The following AK5 variants were observed in gnomAD, a reference collection of about 807,000 sequenced individuals.
AK5 encodes adenylate kinase 5.
Under a neutral mutation model 69.5 loss-of-function variants are expected in AK5, and 27 were observed. That is an observed-to-expected ratio of 0.39 (90% CI 0.29 to 0.54). AK5 has a LOEUF of 0.54. Ranked by LOEUF, AK5 falls within the 20% of genes least tolerant of loss-of-function variation. The pLI is 0.71. For missense variants in AK5, 531 were observed against 700.4 expected, an observed-to-expected ratio of 0.76 and a Z score of 2.73; for synonymous variants, 260 against 244.4, an observed-to-expected ratio of 1.06 and a Z score of -0.60.
chr1:77,480,411 T>C, intron 8 of AK5, among the ~76,000 whole-genome samples: 1 of 152,144 alleles, frequency 6.6e-6, no homozygotes. Context: ...CTGTGAATAA[T>C]AGCTGTGGAT....
intron 5 of AK5, among the ~76,000 whole-genome samples, chr1:77,310,568 A>G (rs1659892159): frequency 6.6e-6 from 1 of 151,990 alleles, no homozygotes; most frequent in Non-Finnish European, 1.5e-5. Flanking sequence ...TTTTTAGTAG[A>G]GACGGGGTTT....
At chr1:77,303,578 C>T (rs1452060734) in intron 5 of AK5, among the ~76,000 whole-genome samples, 1 of 152,242 alleles carries the variant, frequency 6.6e-6, no homozygotes, top group African/African-American at 2.4e-5. Context: ...ATCACACTTC[C>T]TGTCGCCACT....
Position 77,287,133 on chromosome 1 carries a change from G to C in AK5, c.247+6G>C. The C allele has an allele frequency of 6.5e-7, 1 of 1,527,682 alleles. No individual in the cohort carries two copies. Among genetic ancestry groups the C allele is most frequent in the Non-Finnish European group, 8.8e-7 (1 of 1,133,910 alleles). The allele number at this position is 1,527,682 out of a possible 1,614,324, so 94.6% of individuals were successfully genotyped here. ...GAGATCCTTTCTAAGAAATGGTAAT[G>C]TATATGGAGAATAATAGACAGTTTT... On this transcript the variant is annotated splice_donor_region_variant and intron_variant, in intron 2 of 13. Transcript: ENST00000354567.
intron 9 of AK5, 42 bp from the exon 10 acceptor site, chr1:77,486,264 TAC>T: frequency 7.5e-7 from 1 of 1,333,924 alleles, no homozygotes; most frequent in Non-Finnish European, 1.1e-6. Flanking sequence ...AGGGCTTCAG[TAC>T]AGTTTTTCTT....
intron 5 of AK5, among the ~76,000 whole-genome samples, chr1:77,316,085 C>T (rs1438502556): frequency 2.0e-5 from 3 of 152,134 alleles, no homozygotes; most frequent in Non-Finnish European, 4.4e-5. Context: ...ATTTTTACCA[C>T]GATCATAGTG....
Position 77,475,431 on chromosome 1 carries a change from ATATGT to A in AK5, c.1060-7885_1060-7881del, listed in dbSNP as rs1265365789. ...TGTATATATATACTATATATTATATATATGTATATATATTATATATATACAAATAT... is the reference window on the plus strand; with the variant it reads ...TGTATATATATACTATATATTATATAATATATATTATATATATACAAATAT... On this transcript the variant is annotated intron_variant, in intron 8 of 13. Coordinates refer to ENST00000354567, the MANE Select transcript of AK5 (RefSeq NM_174858.3). Among the ~76,000 whole-genome samples, 18 of 4,576 alleles carry A rather than the reference ATATGT, an allele frequency of 3.9e-3. 1 individual carries two copies. The South Asian group carries it at 0.087, about 22-fold the overall frequency. 3.0% of individuals were successfully genotyped at this position (4,576 alleles called of 152,430 possible).
At chr1:77,339,754 T>C (rs1441631547) in intron 5 of AK5, among the ~76,000 whole-genome samples, 1 of 151,314 alleles carries the variant, frequency 6.6e-6, no homozygotes, top group Non-Finnish European at 1.5e-5. Flanking sequence ...CAAGCAATTC[T>C]CTTGCCTTAG....
At chr1:77,484,271 AGGTT>A (rs1349980062) in intron 9 of AK5, among the ~76,000 whole-genome samples, 4 of 152,228 alleles carry the variant, frequency 2.6e-5, no homozygotes. Context: ...AAAAAAGAAA[AGGTT>A]CATAATTGTC....
rs1466474005 is a variant in AK5, at chr1:77,367,578, T to A, written c.891+27010T>A. 4.8e-4 allele frequency among the ~76,000 whole-genome samples: 5 copies of A among 10,364 alleles called. 1 individual carries two copies. The highest frequency in any genetic ancestry group is 3.8e-3 in the Admixed American group (2 of 530). 6.8% of individuals were successfully genotyped at this position (10,364 alleles called of 152,430 possible). A position where few individuals can be genotyped will look rare whatever the true frequency, so the allele number is the denominator to read the frequency against. ...ATTTTTATATATATATATATATATA[T>A]AATATATATGTTATATATGTAATAT... On this transcript the variant is annotated intron_variant, in intron 6 of 13. Transcript: ENST00000354567.
intron 13 of AK5, among the ~76,000 whole-genome samples, chr1:77,549,550 TTCTA>T (rs1659715653): frequency 6.6e-6 from 1 of 152,198 alleles, no homozygotes; most frequent in South Asian, 2.1e-4. Context: ...ATCACATTCA[TTCTA>T]TCTACCTAAA....
intron 2 of AK5, among the ~76,000 whole-genome samples, chr1:77,291,230 G>C (rs1241661912): frequency 6.6e-6 from 1 of 152,140 alleles, no homozygotes; most frequent in Non-Finnish European, 1.5e-5. Context: ...TTTTAGACTT[G>C]AAACCTGGAA....
At chr1:77,435,831 TAA>T (rs1010344257) in intron 8 of AK5, among the ~76,000 whole-genome samples, 7 of 152,210 alleles carry the variant, frequency 4.6e-5, no homozygotes, top group African/African-American at 1.7e-4. Context: ...ACTTATAAAC[TAA>T]GTTATGTATA....
At chr1:77,513,287 C>T (rs116252806) in intron 10 of AK5, among the ~76,000 whole-genome samples, 2,715 of 152,174 alleles carry the variant, frequency 0.018, 36 homozygotes, top group Non-Finnish European at 0.025. Flanking sequence ...AGTGCTTCTG[C>T]GATGGTGTTT....
chr1:77,299,370 G>A (rs1162431732), intron 5 of AK5, among the ~76,000 whole-genome samples: 3 of 150,830 alleles, frequency 2.0e-5, no homozygotes, highest in Admixed American at 6.6e-5. Flanking sequence ...TACAGATATC[G>A]TATTAAACAG....
intron 8 of AK5, among the ~76,000 whole-genome samples, chr1:77,444,249 AAC>A (rs1557598078): frequency 2.4e-4 from 6 of 24,696 alleles, no homozygotes; most frequent in East Asian, 7.1e-4. Context: ...ATATATACAC[AAC>A]ATATGTGTAT....
At chr1:77,553,571 G>A (rs1293438994) in intron 13 of AK5, among the ~76,000 whole-genome samples, 1 of 152,204 alleles carries the variant, frequency 6.6e-6, no homozygotes. Flanking sequence ...GGCAGTGTTT[G>A]TGCCAAAGAC....
intron 6 of AK5, among the ~76,000 whole-genome samples, chr1:77,376,473 C>CT (rs1304919975): frequency 8.5e-6 from 1 of 117,820 alleles, no homozygotes; most frequent in Non-Finnish European, 1.7e-5. Context: ...ACATGTCTTA[C>CT]TTTTTTTGTC....
At chr1:77,466,286 C>T (rs1654138595) in intron 8 of AK5, among the ~76,000 whole-genome samples, 1 of 152,196 alleles carries the variant, frequency 6.6e-6, no homozygotes, top group Non-Finnish European at 1.5e-5. Flanking sequence ...AACTCAGAGT[C>T]CACTCCTCAG....
intron 5 of AK5, among the ~76,000 whole-genome samples, chr1:77,317,393 C>G (rs963298341): frequency 6.6e-6 from 1 of 152,022 alleles, no homozygotes; most frequent in Non-Finnish European, 1.5e-5. Context: ...TGAGACTGGC[C>G]TATATTCAAG....
Sources: gnomAD v4.1 joint callset for allele counts (sites outside exome capture counted in the v4.1 genomes callset) on GRCh38, gnomAD v4.1.1 for gene constraint, MANE v1.5 for transcripts, NCBI Gene and HGNC (gene_info 2026-07-23, HGNC 2026-07-21) for gene names.